DMXL1: variants seen among roughly 807,000 people sequenced by gnomAD.
DMXL1 encodes Dmx like 1, also known as dmX-like protein 1.
DMXL1 carries 99 observed loss-of-function variants against 319.2 expected under a neutral mutation model. The ratio of observed to expected loss-of-function variants is 0.31; its 90% CI spans 0.26 to 0.37. DMXL1 has a LOEUF of 0.37. Ranked by LOEUF, DMXL1 falls within the 10% of genes least tolerant of loss-of-function variation. The probability of loss-of-function intolerance (pLI) is 1.00; values close to 1 mark genes in which losing one functional copy is unlikely to be tolerated. For synonymous variants in DMXL1, 1,385 were observed against 1,235.2 expected, an observed-to-expected ratio of 1.12 and a Z score of -2.54; for missense variants, 3,745 against 3,595.6, an observed-to-expected ratio of 1.04 and a Z score of -1.06.
At chr5:119,128,013 C>G (rs1763989409) in intron 9 of DMXL1, 4 of 408,604 alleles carry the variant, frequency 9.8e-6, no homozygotes, top group Admixed American at 2.9e-5. Context: ...CATCTGACAT[C>G]TGTTTTATCA....
chr5:119,212,562 C>A lies in DMXL1; in HGVS notation c.7927-4339C>A, dbSNP rs770432394. Among the ~76,000 whole-genome samples the A allele has an allele frequency of 2.6e-5, 4 of 152,116 alleles. No homozygotes were observed. The East Asian group carries it at 7.7e-4, about 29-fold the overall frequency. ...TGCTTTCAGTTTTTTGGGGTATATA[C>A]AGAAGTGGAATTGCTAGATCATATA... On this transcript the variant is annotated intron_variant, in intron 34 of 43. Transcript: ENST00000539542.
intron 19 of DMXL1, among the ~76,000 whole-genome samples, chr5:119,160,079 C>A (rs993877028): frequency 5.3e-5 from 8 of 151,800 alleles, no homozygotes; most frequent in African/African-American, 1.9e-4. Context: ...TAACTTTGGG[C>A]TGAGTTTCTT....
intron 2 of DMXL1, 85 bp downstream of exon 2, chr5:119,098,189 A>T: frequency 6.9e-7 from 1 of 1,452,524 alleles, no homozygotes; most frequent in Non-Finnish European, 9.3e-7. Context: ...TTCCTATTGA[A>T]TTAGAGACTT....
At chr5:119,202,383 G>A (rs779840194) in intron 32 of DMXL1, among the ~76,000 whole-genome samples, 10 of 152,056 alleles carry the variant, frequency 6.6e-5, no homozygotes, top group Non-Finnish European at 1.5e-4. Context: ...TTGGATTATA[G>A]CCATAAATCC....
chr5:119,077,557 C>G (rs1185070957), intron 1 of DMXL1, among the ~76,000 whole-genome samples: 3 of 130,480 alleles, frequency 2.3e-5, no homozygotes, highest in Non-Finnish European at 4.7e-5. Flanking sequence ...GATCTCAGCT[C>G]ACTGCAGCCT....
chr5:119,090,543 T>G, intron 1 of DMXL1, among the ~76,000 whole-genome samples: 1 of 151,420 alleles, frequency 6.6e-6, no homozygotes, highest in Non-Finnish European at 1.5e-5. Flanking sequence ...TTTTCTTTTT[T>G]GTTTTTTTCT....
intron 4 of DMXL1, among the ~76,000 whole-genome samples, chr5:119,107,095 A>G (rs1024354232): frequency 6.6e-6 from 1 of 152,124 alleles, no homozygotes; most frequent in African/African-American, 2.4e-5. Context: ...TCAGCACTTT[A>G]GGAGGCTGAG....
intron 30 of DMXL1, among the ~76,000 whole-genome samples, chr5:119,196,113 A>G (rs921789697): frequency 2.6e-5 from 4 of 152,088 alleles, no homozygotes; most frequent in African/African-American, 9.7e-5. Context: ...ATTCTTCCTT[A>G]TGGTTACCCT....
intron 27 of DMXL1, 31 bp from the exon 28 acceptor site, chr5:119,177,965 C>T: frequency 6.5e-7 from 1 of 1,538,250 alleles, no homozygotes; most frequent in Non-Finnish European, 8.7e-7. Flanking sequence ...AATTTATAGT[C>T]AGTGACAGCT....
At chr5:119,145,691 T>C (rs1768368381) in intron 15 of DMXL1, among the ~76,000 whole-genome samples, 1 of 151,764 alleles carries the variant, frequency 6.6e-6, no homozygotes, top group African/African-American at 2.4e-5. Context: ...TTTGCTTTTT[T>C]CGGATTCTTC....
At position 119,203,428 on chromosome 5, in the gene DMXL1, C is replaced by G; in HGVS notation, c.7855C>G (p.Leu2619Val). 1.9e-6 allele frequency: 3 copies of G among 1,584,136 alleles called. No individual in the cohort carries two copies. The highest frequency in any genetic ancestry group is 2.6e-6 in the Non-Finnish European group (3 of 1,159,976). Residue 2619 changes from leucine to valine, a missense_variant, in exon 33 of 44, where the codon CTA (leucine) becomes GTA (valine). By Grantham distance (32) the Leu-to-Val change is conservative. Transcript: ENST00000539542. ...AAATATATTCACAAAGAAACGGTGT[C>G]TAAATGAGGTCTGTATAAGTTAAAA... The part of the protein sequence containing the change: ...IKNIFTKKRC[L>V]NESLEDNSET...
At chr5:119,180,115 A>G (rs530049780) in intron 28 of DMXL1, among the ~76,000 whole-genome samples, 7 of 152,124 alleles carry the variant, frequency 4.6e-5, no homozygotes, top group Non-Finnish European at 1.0e-4. Context: ...GAAGCATTTT[A>G]TTATTGGTCT....
At chr5:119,238,113 A>T (rs1303584929) in intron 40 of DMXL1, among the ~76,000 whole-genome samples, 5 of 152,078 alleles carry the variant, frequency 3.3e-5, no homozygotes, top group Admixed American at 3.3e-4. Flanking sequence ...TTAAGCTTAA[A>T]GATTTAGATG....
At chr5:119,207,364 T>G (rs3822515) in intron 34 of DMXL1, among the ~76,000 whole-genome samples, 32,807 of 152,080 alleles carry the variant, frequency 0.22, 4,521 homozygotes, top group East Asian at 0.39. Flanking sequence ...TACATAGCAT[T>G]TATTTTACTG....
chr5:119,129,392 T>C lies in DMXL1; in HGVS notation c.1284T>C (p.Asp428=). 6.2e-7 allele frequency: 1 copy of C among 1,611,816 alleles called. No individual in the cohort carries two copies. Among genetic ancestry groups the C allele is most frequent in the Non-Finnish European group, 8.5e-7 (1 of 1,179,406 alleles). ...CATCTTCTGAGGCCAGTGTAGAAGATTCTAATCAGGCAGATGTAAAATCTG... is the reference window on the plus strand; with the variant it reads ...CATCTTCTGAGGCCAGTGTAGAAGACTCTAATCAGGCAGATGTAAAATCTG... The part of the protein sequence containing the change: ...EQPSSEASVE[D]SNQADVKSDE... Residue 428 remains aspartate (D), a synonymous_variant, in exon 10 of 44, where the codon GAT becomes GAC. Coordinates refer to ENST00000539542, the MANE Select transcript of DMXL1 (RefSeq NM_001290321.3).
chr5:119,103,344 A>G (rs765229956), intron 3 of DMXL1, among the ~76,000 whole-genome samples: 17 of 152,336 alleles, frequency 1.1e-4, no homozygotes, highest in African/African-American at 3.8e-4. Context: ...ATCTTTTGAT[A>G]GTTTTCATGT....
chr5:119,147,803 C>T (rs1768917889), intron 17 of DMXL1, among the ~76,000 whole-genome samples: 1 of 152,114 alleles, frequency 6.6e-6, no homozygotes, highest in Admixed American at 6.5e-5. Context: ...CTGCCTGGAG[C>T]CATGATTCTG....
intron 43 of DMXL1, among the ~76,000 whole-genome samples, chr5:119,246,164 A>C (rs968563224): frequency 3.2e-4 from 48 of 152,206 alleles, no homozygotes; most frequent in African/African-American, 1.2e-3. Flanking sequence ...ACAAAATCTT[A>C]GTAAATTAAG....
At chr5:119,106,776 G>C (rs1483203850) in intron 4 of DMXL1, among the ~76,000 whole-genome samples, 1 of 152,174 alleles carries the variant, frequency 6.6e-6, no homozygotes, top group Non-Finnish European at 1.5e-5. Context: ...TTATTTCAAT[G>C]CCTTTTCCAT....
Sources: allele counts gnomAD v4.1 joint callset (sites outside exome capture counted in the v4.1 genomes callset), GRCh38; gene constraint gnomAD v4.1.1; transcripts MANE v1.5; gene names NCBI Gene and HGNC (gene_info 2026-07-23, HGNC 2026-07-21).